GRM7: variants seen among roughly 807,000 people sequenced by gnomAD.
The protein encoded by GRM7 is glutamate metabotropic receptor 7, also known as metabotropic glutamate receptor 7.
GRM7 carries 35 observed loss-of-function variants against 84.5 expected under a neutral mutation model. The ratio of observed to expected loss-of-function variants is 0.41; its 90% confidence interval spans 0.32 to 0.55. GRM7 has a LOEUF of 0.55. Ranked by LOEUF, GRM7 falls within the 20% of genes least tolerant of loss-of-function variation. The probability of loss-of-function intolerance (pLI) is 0.19; values close to 1 mark genes in which losing one functional copy is unlikely to be tolerated. For synonymous variants in GRM7, 487 were observed against 455.1 expected, an observed-to-expected ratio of 1.07 and a Z score of -0.89; for missense variants, 1,003 against 1,194.6, an observed-to-expected ratio of 0.84 and a Z score of 2.36.
chr3:7,317,568 T>A (rs975760001), intron 4 of GRM7, among the ~76,000 whole-genome samples: 12 of 152,072 alleles, frequency 7.9e-5, no homozygotes, highest in African/African-American at 2.9e-4. Context: ...TTGCTAAGAA[T>A]AGAGAAAACA....
At chr3:7,541,809 A>C (rs550219907) in intron 7 of GRM7, among the ~76,000 whole-genome samples, 4 of 152,322 alleles carry the variant, frequency 2.6e-5, no homozygotes, top group Non-Finnish European at 4.4e-5. Flanking sequence ...GTTGTCACAC[A>C]GTACCACAAA....
chr3:7,472,690 C>G (rs766458540), intron 7 of GRM7, among the ~76,000 whole-genome samples: 2 of 152,148 alleles, frequency 1.3e-5, no homozygotes, highest in African/African-American at 2.4e-5. Flanking sequence ...CTCACCACTT[C>G]CAGAAATCTG....
intron 1 of GRM7, among the ~76,000 whole-genome samples, chr3:6,889,655 T>C (rs1432416805): frequency 1.3e-5 from 2 of 152,196 alleles, no homozygotes; most frequent in East Asian, 1.9e-4. Flanking sequence ...TGAGGATTTT[T>C]GCATCAATGT....
At chr3:7,370,804 T>TA (rs1470785438) in intron 4 of GRM7, among the ~76,000 whole-genome samples, 1 of 152,140 alleles carries the variant, frequency 6.6e-6, no homozygotes, top group Admixed American at 6.6e-5. Context: ...CAAGATAAAT[T>TA]AAAAATCAGA....
chr3:6,887,948 T>C (rs915318556), intron 1 of GRM7, among the ~76,000 whole-genome samples: 10 of 152,260 alleles, frequency 6.6e-5, no homozygotes, highest in Non-Finnish European at 1.3e-4. Flanking sequence ...TAGTATCTCA[T>C]TGTGGTTTTG....
chr3:6,942,267 C>G (rs146288885), intron 1 of GRM7, among the ~76,000 whole-genome samples: 1 of 151,948 alleles, frequency 6.6e-6, no homozygotes, highest in Non-Finnish European at 1.5e-5. Context: ...TATAATATAT[C>G]TAAAGGGCTT....
Position 7,320,681 on chromosome 3 carries a change from AGTGTGTGTGTGT to A in GRM7, c.1033+14057_1033+14068del, listed in dbSNP as rs56313913. 5.2e-3 allele frequency among the ~76,000 whole-genome samples: 730 copies of A among 141,244 alleles called. 7 individuals carry two copies. Among genetic ancestry groups the A allele is most frequent in the African/African-American group, 0.018 (698 of 38,326 alleles). The allele number at this position is 141,244 out of a possible 152,430, so 92.7% of individuals were successfully genotyped here. On this transcript the variant is annotated intron_variant, in intron 4 of 9. Transcript: ENST00000357716. ...TCCTGAACACCATCAGTGGGTGATC[AGTGTGTGTGTGT>A]GTGTGTGTGTGTGTGTGTGTGTGTG...
intron 9 of GRM7, among the ~76,000 whole-genome samples, chr3:7,713,329 G>C (rs1161396652): frequency 6.6e-6 from 1 of 151,694 alleles, no homozygotes; most frequent in Admixed American, 6.6e-5. Flanking sequence ...TAGAGATGGA[G>C]TTTGACCACG....
chr3:7,689,800 G>C (rs1700729536), intron 9 of GRM7, among the ~76,000 whole-genome samples: 1 of 152,082 alleles, frequency 6.6e-6, no homozygotes, highest in Non-Finnish European at 1.5e-5. Flanking sequence ...CTTAAATTGG[G>C]TCAATCAAAG....
chr3:6,983,807 T>C (rs922045873), intron 1 of GRM7, among the ~76,000 whole-genome samples: 3 of 152,116 alleles, frequency 2.0e-5, no homozygotes, highest in Non-Finnish European at 2.9e-5. Flanking sequence ...TGTTTTGTTT[T>C]TTTTTTGTTT....
At chr3:7,691,412 G>A in intron 9 of GRM7, 1 of 351,060 alleles carries the variant, frequency 2.8e-6, no homozygotes, top group Non-Finnish European at 5.2e-6. Flanking sequence ...TGGACTGGGA[G>A]TCCCATCCTG....
intron 1 of GRM7, among the ~76,000 whole-genome samples, chr3:7,015,475 A>G (rs1695530829): frequency 6.6e-6 from 1 of 152,236 alleles, no homozygotes; most frequent in Admixed American, 6.5e-5. Flanking sequence ...CAGATAAGTA[A>G]ATAACGCACT....
In GRM7 at chr3:6,901,604, T is replaced by TAAAAAAAAAAAAAAAAAAAAA. The variant is rs33945077; in HGVS notation, c.519+39710_519+39730dup. Among the ~76,000 whole-genome samples, 8 of 40,500 alleles carry TAAAAAAAAAAAAAAAAAAAAA rather than the reference T, an allele frequency of 2.0e-4. 1 individual carries two copies. The highest frequency in any genetic ancestry group is 1.4e-3 in the South Asian group (1 of 702). 26.6% of individuals were successfully genotyped at this position (40,500 alleles called of 152,430 possible). On this transcript the variant is annotated intron_variant, in intron 1 of 9. Transcript: ENST00000357716. ...CCTGGTGACAGAGCAAGACTCCGTC[T>TAAAAAAAAAAAAAAAAAAAAA]AAAAAAAAAAAAAAAAAAAAAAAAA...
Position 6,998,442 on chromosome 3 carries a change from G to A in GRM7, c.519+136535G>A, listed in dbSNP as rs111645479. Among the ~76,000 whole-genome samples, 392 of 152,286 alleles carry A rather than the reference G, an allele frequency of 2.6e-3. 2 individuals carry two copies. The highest frequency in any genetic ancestry group is 9.1e-3 in the African/African-American group (380 of 41,572). ...TGTCTGTGACTTTTCCAGGCACACA[G>A]TGCAAGCTGTCAGTGGATCTACCAT... On this transcript the variant is annotated intron_variant, in intron 1 of 9. Coordinates refer to ENST00000357716, the MANE Select transcript of GRM7 (RefSeq NM_000844.4).
At chr3:6,948,940 T>C (rs1480470251) in intron 1 of GRM7, among the ~76,000 whole-genome samples, 1 of 152,218 alleles carries the variant, frequency 6.6e-6, no homozygotes, top group Non-Finnish European at 1.5e-5. Flanking sequence ...GTTTTGAGCT[T>C]ATGTGTGTCT....
At chr3:7,593,661 C>T (rs1048635344) in intron 8 of GRM7, among the ~76,000 whole-genome samples, 8 of 151,750 alleles carry the variant, frequency 5.3e-5, no homozygotes, top group South Asian at 2.1e-4. Flanking sequence ...GTGTGAGTGG[C>T]GTGAGAAACA....
intron 7 of GRM7, among the ~76,000 whole-genome samples, chr3:7,464,814 CAA>C (rs1299546464): frequency 2.2e-5 from 3 of 133,982 alleles, no homozygotes; most frequent in African/African-American, 8.6e-5. Context: ...GGTGACAGAG[CAA>C]GACTCTGTCT....
chr3:7,109,354 G>A (rs1405089092), intron 1 of GRM7, among the ~76,000 whole-genome samples: 1 of 152,228 alleles, frequency 6.6e-6, no homozygotes, highest in Non-Finnish European at 1.5e-5. Flanking sequence ...TTATTTTAAT[G>A]TTTCTATAAG....
At chr3:7,165,251 C>A (rs1031593340) in intron 2 of GRM7, among the ~76,000 whole-genome samples, 1 of 152,170 alleles carries the variant, frequency 6.6e-6, no homozygotes, top group Non-Finnish European at 1.5e-5. Flanking sequence ...TAGACACCTT[C>A]AATTATCCCA....
Sources: gnomAD v4.1 joint callset for allele counts (sites outside exome capture counted in the v4.1 genomes callset) on GRCh38, gnomAD v4.1.1 for gene constraint, MANE v1.5 for transcripts, NCBI Gene and HGNC (gene_info 2026-07-23, HGNC 2026-07-21) for gene names.